FGGY: variants seen among roughly 807,000 people sequenced by gnomAD.
FGGY encodes the protein FGGY carbohydrate kinase domain-containing protein.
A neutral mutation model predicts 71.3 loss-of-function variants in FGGY; 72 were observed. The observed-to-expected ratio is 1.01, with a 90% confidence interval of 0.84 to 1.23. The LOEUF is 1.23. Among genes scored for constraint, FGGY ranks in the 50% most tolerant of loss-of-function variants. The pLI, the probability that FGGY is intolerant of heterozygous loss-of-function variation, is 0.00. For synonymous variants in FGGY, 251 were observed against 250.3 expected, an observed-to-expected ratio of 1.00 and a Z score of -0.02; for missense variants, 668 against 682.3, an observed-to-expected ratio of 0.98 and a Z score of 0.23.
chr1:59,714,952 A>G (rs2100420057), intron 14 of FGGY, among the ~76,000 whole-genome samples: 1 of 152,320 alleles, frequency 6.6e-6, no homozygotes, highest in South Asian at 2.1e-4. Flanking sequence ...CATACTTCCG[A>G]GGCCTTCAAA....
chr1:59,360,641 G>T (rs1284551031), intron 4 of FGGY, among the ~76,000 whole-genome samples: 4 of 152,158 alleles, frequency 2.6e-5, no homozygotes, highest in Non-Finnish European at 4.4e-5. Context: ...CAGAATGCTG[G>T]TGGTATTGAT....
In FGGY at chr1:59,744,643, A is replaced by G. The variant is rs555696439; in HGVS notation, c.1513-13288A>G. 1.1e-4 allele frequency among the ~76,000 whole-genome samples: 17 copies of G among 152,386 alleles called. No homozygotes were observed. In the East Asian group the frequency reaches 3.3e-3, roughly 29 times the overall value. ...ATGTGTTGACCTGGCAGGAAATACC[A>G]AAAAGTACAACTGAGGGAGATCCTA... On this transcript the variant is annotated intron_variant, in intron 14 of 15. Coordinates refer to ENST00000303721, the MANE Select transcript of FGGY (RefSeq NM_018291.5).
At chr1:59,577,896 C>G (rs1402950292) in intron 8 of FGGY, among the ~76,000 whole-genome samples, 1 of 152,110 alleles carries the variant, frequency 6.6e-6, no homozygotes, top group African/African-American at 2.4e-5. Context: ...CACCTGCACT[C>G]CTACCATACA....
intron 5 of FGGY, among the ~76,000 whole-genome samples, chr1:59,439,221 T>TGCACCTCA: frequency 6.6e-6 from 1 of 152,340 alleles, no homozygotes; most frequent in East Asian, 1.9e-4. Context: ...GCATGGAATT[T>TGCACCTCA]GCACCTCATA....
intron 14 of FGGY, among the ~76,000 whole-genome samples, chr1:59,693,546 A>C (rs753682763): frequency 2.8e-4 from 42 of 152,226 alleles, no homozygotes; most frequent in Admixed American, 6.5e-5. Flanking sequence ...GGAGAAGAAG[A>C]AGAGGAAGGA....
chr1:59,373,029 C>T (rs28783405), intron 4 of FGGY, among the ~76,000 whole-genome samples: 36,522 of 151,522 alleles, frequency 0.24, 4,485 homozygotes, highest in East Asian at 0.35. Flanking sequence ...TCACCACTCC[C>T]ATTCAACATA....
At position 59,583,145 on chromosome 1, in the gene FGGY, C is replaced by T. The variant is rs1203662595; in HGVS notation, c.904-24658C>T. On this transcript the variant is annotated intron_variant, in intron 8 of 15. Transcript: ENST00000303721. ...GCCACTAAGGAAAAATAAATGCCTG[C>T]AGGTCCTTTTATACCATGATGTAAC... Among the ~76,000 whole-genome samples the T allele has an allele frequency of 1.4e-5, 2 of 143,100 alleles. 1 individual carries two copies. The allele number at this position is 143,100 out of a possible 152,430, so 93.9% of individuals were successfully genotyped here.
At chr1:59,624,996 C>A (rs1174081160) in intron 9 of FGGY, among the ~76,000 whole-genome samples, 1 of 152,164 alleles carries the variant, frequency 6.6e-6, no homozygotes, top group Non-Finnish European at 1.5e-5. Context: ...CAGAACCCAA[C>A]CCTGGCCTCT....
intron 10 of FGGY, among the ~76,000 whole-genome samples, chr1:59,637,210 C>G (rs2096968912): frequency 6.6e-6 from 1 of 152,124 alleles, no homozygotes; most frequent in African/African-American, 2.4e-5. Context: ...GAGGTAGTAT[C>G]AAGATTTGAA....
chr1:59,628,589 A>T (rs1486458732), intron 10 of FGGY, among the ~76,000 whole-genome samples: 4 of 152,176 alleles, frequency 2.6e-5, no homozygotes, highest in South Asian at 2.1e-4. Flanking sequence ...GTAAAAGGGA[A>T]CTCTGTGTAT....
intron 5 of FGGY, among the ~76,000 whole-genome samples, chr1:59,390,933 G>A (rs898157899): frequency 1.3e-5 from 2 of 152,116 alleles, no homozygotes; most frequent in South Asian, 2.1e-4. Context: ...TATTAGTAAA[G>A]CATCTGTGAG....
At chr1:59,335,616 T>C (rs1570558727) in intron 2 of FGGY, among the ~76,000 whole-genome samples, 1 of 152,230 alleles carries the variant, frequency 6.6e-6, no homozygotes, top group African/African-American at 2.4e-5. Flanking sequence ...GATGTGGCTG[T>C]ATTTTACATT....
intron 9 of FGGY, among the ~76,000 whole-genome samples, chr1:59,615,445 G>A (rs2096741465): frequency 6.6e-6 from 1 of 152,154 alleles, no homozygotes. Context: ...CTAGCCATAT[G>A]GAGAAAGCTG....
chr1:59,718,961 A>G (rs1203121116), intron 14 of FGGY, among the ~76,000 whole-genome samples: 1 of 152,158 alleles, frequency 6.6e-6, no homozygotes, highest in African/African-American at 2.4e-5. Context: ...CTTCCTTCTC[A>G]GAACAATTGA....
intron 11 of FGGY, among the ~76,000 whole-genome samples, chr1:59,654,990 GC>G (rs2097204955): frequency 6.6e-6 from 1 of 152,102 alleles, no homozygotes; most frequent in Non-Finnish European, 1.5e-5. Context: ...GTGTCCCTGG[GC>G]ACTCAGGGGC....
At chr1:59,541,484 A>C (rs534798117) in intron 7 of FGGY, among the ~76,000 whole-genome samples, 1 of 152,138 alleles carries the variant, frequency 6.6e-6, no homozygotes, top group Non-Finnish European at 1.5e-5. Context: ...TGTCTGGCCT[A>C]GTTACTGCCT....
chr1:59,368,889 C>T (rs61542269), intron 4 of FGGY, among the ~76,000 whole-genome samples: 5 of 151,576 alleles, frequency 3.3e-5, no homozygotes, highest in Admixed American at 6.6e-5. Flanking sequence ...CAGGAGTTCA[C>T]GACCAGCCTG....
chr1:59,552,771 A>G (rs527951593), intron 7 of FGGY, among the ~76,000 whole-genome samples: 1 of 152,106 alleles, frequency 6.6e-6, no homozygotes, highest in East Asian at 1.9e-4. Flanking sequence ...TCTCCTTCCC[A>G]CCAGACTGTG....
At chr1:59,725,514 G>A (rs370761062) in intron 14 of FGGY, among the ~76,000 whole-genome samples, 6 of 151,978 alleles carry the variant, frequency 3.9e-5, no homozygotes, top group African/African-American at 7.2e-5. Flanking sequence ...AAAATAGTTC[G>A]CTGAAAATTC....
Sources: allele counts gnomAD v4.1 joint callset (sites outside exome capture counted in the v4.1 genomes callset), GRCh38; gene constraint gnomAD v4.1.1; transcripts MANE v1.5; gene names NCBI Gene and HGNC (gene_info 2026-07-23, HGNC 2026-07-21).